Variants in DSCAML1 observed in about 807,000 individuals in gnomAD.
DSCAML1 encodes the protein DS cell adhesion molecule like 1, also known as cell adhesion molecule DSCAML1.
In DSCAML1, 38 loss-of-function variants were observed where a neutral mutation model predicts 200.5. The ratio of observed to expected loss-of-function variants is 0.19; its 90% confidence interval spans 0.15 to 0.25. DSCAML1 has a LOEUF of 0.25. Among genes scored for constraint, DSCAML1 ranks in the 10% least tolerant of loss-of-function variants. The probability of loss-of-function intolerance (pLI) is 1.00; values close to 1 mark genes in which losing one functional copy is unlikely to be tolerated. For missense variants in DSCAML1, 2,223 were observed against 2,858.8 expected (o/e 0.78, Z 5.07); for synonymous variants, 1,215 against 1,165.0 (o/e 1.04, Z -0.87).
intron 11 of DSCAML1, among the ~76,000 whole-genome samples, chr11:117,485,190 C>T (rs1233954185): frequency 6.6e-6 from 1 of 152,182 alleles, no homozygotes; most frequent in Non-Finnish European, 1.5e-5. Context: ...CAGTGCACAA[C>T]CTGTGTATCC....
intron 3 of DSCAML1, among the ~76,000 whole-genome samples, chr11:117,569,425 T>G (rs1374413725): frequency 6.6e-6 from 1 of 152,124 alleles, no homozygotes; most frequent in Non-Finnish European, 1.5e-5. Flanking sequence ...AGAGATGGGA[T>G]TTTTGTATTT....
chr11:117,721,356 C>T (rs1228398509), intron 3 of DSCAML1, among the ~76,000 whole-genome samples: 1 of 152,168 alleles, frequency 6.6e-6, no homozygotes, highest in African/African-American at 2.4e-5. Context: ...AAGTCCAACC[C>T]TGTTCATATG....
chr11:117,558,262 T>C (rs1348209668), intron 3 of DSCAML1, among the ~76,000 whole-genome samples: 1 of 152,044 alleles, frequency 6.6e-6, no homozygotes, highest in Admixed American at 6.5e-5. Context: ...TCACGAAACG[T>C]GAGCAAGTGA....
chr11:117,666,723 C>A (rs923328652), intron 3 of DSCAML1, among the ~76,000 whole-genome samples: 2 of 152,162 alleles, frequency 1.3e-5, no homozygotes, highest in Non-Finnish European at 2.9e-5. Context: ...AAAGGAAGGT[C>A]GCAAATTCAG....
At chr11:117,792,787 C>T (rs2055495453) in intron 1 of DSCAML1, among the ~76,000 whole-genome samples, 1 of 152,184 alleles carries the variant, frequency 6.6e-6, no homozygotes, top group South Asian at 2.1e-4. Context: ...CCCTCTTCTT[C>T]CTGCACCATG....
chr11:117,438,113 G>C (rs1277409259), intron 24 of DSCAML1, 30 bp from the exon 25 acceptor site: 1 of 1,571,794 alleles, frequency 6.4e-7, no homozygotes. Flanking sequence ...TTCAGGTGGG[G>C]GCAGGGCAGG....
intron 3 of DSCAML1, among the ~76,000 whole-genome samples, chr11:117,764,599 T>C (rs182760801): frequency 8.5e-5 from 13 of 152,324 alleles, no homozygotes; most frequent in Non-Finnish European, 1.0e-4. Flanking sequence ...GGCATTTAGA[T>C]AGATTTAGGG....
At chr11:117,485,961 G>C (rs926944047) in intron 11 of DSCAML1, among the ~76,000 whole-genome samples, 2 of 152,198 alleles carry the variant, frequency 1.3e-5, no homozygotes, top group African/African-American at 2.4e-5. Context: ...GCCGGTCCTA[G>C]CTTGATAACC....
chr11:117,676,826 G>A (rs1193869384), intron 3 of DSCAML1, among the ~76,000 whole-genome samples: 1 of 152,230 alleles, frequency 6.6e-6, no homozygotes, highest in East Asian at 1.9e-4. Flanking sequence ...TTTGGGAAAC[G>A]GGCTTGTAGG....
chr11:117,715,724 A>G (rs527455285), intron 3 of DSCAML1, among the ~76,000 whole-genome samples: 1 of 152,258 alleles, frequency 6.6e-6, no homozygotes, highest in South Asian at 2.1e-4. Context: ...CTGGGGAAGC[A>G]GGTAAGTGAA....
At chr11:117,596,962 G>C (rs1038142669) in intron 3 of DSCAML1, among the ~76,000 whole-genome samples, 4 of 152,092 alleles carry the variant, frequency 2.6e-5, no homozygotes, top group Admixed American at 2.6e-4. Flanking sequence ...TTGTCCCTGC[G>C]GTGGGCTTTC....
chr11:117,637,562 G>T (rs1280358862), intron 3 of DSCAML1, among the ~76,000 whole-genome samples: 1 of 152,100 alleles, frequency 6.6e-6, no homozygotes, highest in Admixed American at 6.5e-5. Flanking sequence ...GGTCAGTCTG[G>T]TCTCAAACTC....
intron 1 of DSCAML1, among the ~76,000 whole-genome samples, chr11:117,807,619 G>A (rs1224774934): frequency 1.3e-5 from 2 of 152,194 alleles, no homozygotes; most frequent in East Asian, 1.9e-4. Flanking sequence ...AGTTTTCTCC[G>A]CAGAGTTGTT....
chr11:117,597,835 A>G (rs928077983), intron 3 of DSCAML1, among the ~76,000 whole-genome samples: 4 of 152,146 alleles, frequency 2.6e-5, no homozygotes, highest in African/African-American at 9.7e-5. Context: ...TAACTTGGAA[A>G]GAAAATTGTC....
At chr11:117,795,360 T>A (rs1196232019) in intron 1 of DSCAML1, among the ~76,000 whole-genome samples, 2 of 152,150 alleles carry the variant, frequency 1.3e-5, no homozygotes, top group Non-Finnish European at 2.9e-5. Context: ...TCACCTTATG[T>A]ATTTTTAATA....
chr11:117,522,360 C>T (rs529732895), intron 5 of DSCAML1, among the ~76,000 whole-genome samples: 32 of 152,320 alleles, frequency 2.1e-4, no homozygotes, highest in South Asian at 1.5e-3. Flanking sequence ...CTGTGGGCCA[C>T]TTGAGAGCAG....
chr11:117,461,407 C>A (rs574604087), intron 18 of DSCAML1, 43 bp downstream of exon 18: 23 of 1,612,700 alleles, frequency 1.4e-5, no homozygotes, highest in Non-Finnish European at 2.0e-5. Context: ...CACTGACCTG[C>A]GCCTCTCCCC....
intron 19 of DSCAML1, among the ~76,000 whole-genome samples, chr11:117,453,753 T>C (rs1481129626): frequency 2.0e-5 from 3 of 149,938 alleles, no homozygotes; most frequent in South Asian, 2.1e-4. Context: ...TTTCTTTTTT[T>C]TTTTTTTTTG....
chr11:117,624,005 T>G (rs1343361188), intron 3 of DSCAML1, among the ~76,000 whole-genome samples: 1 of 152,172 alleles, frequency 6.6e-6, no homozygotes, highest in Non-Finnish European at 1.5e-5. Flanking sequence ...GCAAAGAGAA[T>G]AATAATGGGC....
Sources: gnomAD v4.1 joint callset for allele counts (sites outside exome capture counted in the v4.1 genomes callset) on GRCh38, gnomAD v4.1.1 for gene constraint, MANE v1.5 for transcripts, NCBI Gene and HGNC (gene_info 2026-07-23, HGNC 2026-07-21) for gene names.